The following ANKRD55 variants were observed in gnomAD, a reference collection of about 807,000 sequenced individuals.
ANKRD55 encodes the protein ankyrin repeat domain-containing protein 55.
A neutral mutation model predicts 60.6 loss-of-function variants in ANKRD55; 41 were observed. The observed-to-expected ratio is 0.68, with a 90% CI of 0.53 to 0.88. The LOEUF is 0.88. Ranked by LOEUF, ANKRD55 falls within the 40% of genes least tolerant of loss-of-function variation. The probability of loss-of-function intolerance (pLI) is 0.00; values close to 1 mark genes in which losing one functional copy is unlikely to be tolerated. For missense variants in ANKRD55, 732 were observed against 767.6 expected, an observed-to-expected ratio of 0.95 and a Z score of 0.55; for synonymous variants, 264 against 290.3, an observed-to-expected ratio of 0.91 and a Z score of 0.92.
At chr5:56,164,765 G>A (rs3846520) in intron 5 of ANKRD55, among the ~76,000 whole-genome samples, 26,452 of 152,170 alleles carry the variant, frequency 0.17, 4,317 homozygotes, top group African/African-American at 0.43. Flanking sequence ...GCTGAAAGGG[G>A]GAAAACTTGG....
At chr5:56,152,881 G>A (rs1758091444) in intron 6 of ANKRD55, among the ~76,000 whole-genome samples, 1 of 152,026 alleles carries the variant, frequency 6.6e-6, no homozygotes. Flanking sequence ...TCTTGGGGTA[G>A]AGAAGGCCTT....
At chr5:56,153,149 G>GAT (rs76772211) in intron 6 of ANKRD55, among the ~76,000 whole-genome samples, 40,722 of 151,732 alleles carry the variant, frequency 0.27, 5,578 homozygotes, top group Middle Eastern at 0.3. Context: ...CACAAAAGAA[G>GAT]ATATAATAAA....
chr5:56,226,940 A>G (rs1442588745), intron 2 of ANKRD55, among the ~76,000 whole-genome samples: 1 of 152,218 alleles, frequency 6.6e-6, no homozygotes, highest in African/African-American at 2.4e-5. Flanking sequence ...TGATTTGTCA[A>G]GGATCTAGAA....
rs548463033 is a variant in ANKRD55 at position 56,100,160 on chromosome 5, T to C, written c.*23A>G. 159 of 1,614,134 alleles carry C rather than the reference T, an allele frequency of 9.9e-5. No homozygotes were observed. In the East Asian group the frequency reaches 3.5e-3, roughly 35 times the overall value. ...AGTTGAAAATACATATTCATCTACA[T>C]TTCTGCAGCGAGTGGCCCACAGTTA... On this transcript the variant is annotated 3_prime_UTR_variant, in exon 12 of 12. Transcript: ENST00000341048.
At chr5:56,184,696 G>A (rs752221329) in intron 2 of ANKRD55, among the ~76,000 whole-genome samples, 2 of 151,948 alleles carry the variant, frequency 1.3e-5, no homozygotes, top group Non-Finnish European at 2.9e-5. Context: ...CCAGGAGTTC[G>A]AGATCAGCCT....
intron 2 of ANKRD55, among the ~76,000 whole-genome samples, chr5:56,209,466 CTTT>C (rs60256412): frequency 9.0e-4 from 119 of 132,312 alleles, no homozygotes; most frequent in Middle Eastern, 3.6e-3. Context: ...ACATGTATAT[CTTT>C]TTTTTTTTTT....
At chr5:56,124,992 T>G (rs1463272233) in intron 8 of ANKRD55, among the ~76,000 whole-genome samples, 1 of 152,220 alleles carries the variant, frequency 6.6e-6, no homozygotes, top group East Asian at 1.9e-4. Flanking sequence ...TCTCCTTATC[T>G]TTGTACTTTC....
intron 2 of ANKRD55, among the ~76,000 whole-genome samples, chr5:56,185,396 G>A (rs1476872497): frequency 1.3e-5 from 2 of 152,080 alleles, no homozygotes; most frequent in Admixed American, 1.3e-4. Flanking sequence ...TTCAGGTGTG[G>A]TGGCTCACGC....
chr5:56,212,474 G>T (rs1484167864), intron 2 of ANKRD55, among the ~76,000 whole-genome samples: 1 of 152,114 alleles, frequency 6.6e-6, no homozygotes, highest in Non-Finnish European at 1.5e-5. Flanking sequence ...AAAAAGAAAT[G>T]AAATGTAATA....
chr5:56,109,986 G>T (rs183535128), intron 10 of ANKRD55, among the ~76,000 whole-genome samples: 617 of 152,110 alleles, frequency 4.1e-3, no homozygotes, highest in Non-Finnish European at 7.2e-3. Flanking sequence ...TCACTGTGGA[G>T]GTTGCAGTGA....
chr5:56,157,265 C>T (rs1268403218), intron 6 of ANKRD55, among the ~76,000 whole-genome samples: 2 of 152,206 alleles, frequency 1.3e-5, no homozygotes, highest in African/African-American at 2.4e-5. Flanking sequence ...TCCCTAATCT[C>T]AAGTACCCAG....
intron 2 of ANKRD55, among the ~76,000 whole-genome samples, chr5:56,201,883 T>G (rs1759388935): frequency 6.6e-6 from 1 of 152,190 alleles, no homozygotes; most frequent in Admixed American, 6.5e-5. Context: ...AGCAAAAACA[T>G]GGAATCAACC....
chr5:56,122,714 T>C lies in ANKRD55; in HGVS notation c.797+4208A>G, dbSNP rs559099669. On this transcript the variant is annotated intron_variant, in intron 8 of 11. Coordinates refer to ENST00000341048, the MANE Select transcript of ANKRD55 (RefSeq NM_024669.3). ...GGATTAAGTACTGATGTCACAAAAC[T>C]ATGTTCTGATTTTTTTCTGGGGGTG... 1.3e-4 allele frequency among the ~76,000 whole-genome samples: 19 copies of C among 151,670 alleles called. No homozygotes were observed. In the South Asian group the frequency reaches 4.0e-3, roughly 32 times the overall value.
At chr5:56,107,555 A>C (rs75624059) in intron 10 of ANKRD55, among the ~76,000 whole-genome samples, 177 of 152,270 alleles carry the variant, frequency 1.2e-3, no homozygotes, top group African/African-American at 4.0e-3. Context: ...TTTTGGAGGG[A>C]TAGCAACGTG....
intron 10 of ANKRD55, among the ~76,000 whole-genome samples, chr5:56,105,001 C>T (rs1333647796): frequency 6.6e-6 from 1 of 151,822 alleles, no homozygotes; most frequent in Non-Finnish European, 1.5e-5. Context: ...TCAATTTCTT[C>T]AGTTATAAAG....
At chr5:56,138,321 A>G (rs1408260357) in intron 7 of ANKRD55, among the ~76,000 whole-genome samples, 2 of 151,792 alleles carry the variant, frequency 1.3e-5, no homozygotes, top group African/African-American at 4.8e-5. Flanking sequence ...AGAGACAGGG[A>G]TTCACCATGT....
chr5:56,171,180 T>C (rs1758605294), intron 4 of ANKRD55, among the ~76,000 whole-genome samples: 1 of 152,224 alleles, frequency 6.6e-6, no homozygotes, highest in South Asian at 2.1e-4. Flanking sequence ...GCACCTTGCT[T>C]ATTCAGGTCA....
At chr5:56,207,348 A>G (rs1476571922) in intron 2 of ANKRD55, among the ~76,000 whole-genome samples, 1 of 152,202 alleles carries the variant, frequency 6.6e-6, no homozygotes, top group Admixed American at 6.5e-5. Flanking sequence ...ACATTTAACT[A>G]CCACCAACTG....
At chr5:56,176,494 A>G (rs1237368176) in intron 3 of ANKRD55, among the ~76,000 whole-genome samples, 11 of 152,196 alleles carry the variant, frequency 7.2e-5, no homozygotes. Context: ...ATTTTGCAAT[A>G]ATTGGCTGAG....
Sources: gnomAD v4.1 joint callset for allele counts (sites outside exome capture counted in the v4.1 genomes callset) on GRCh38, gnomAD v4.1.1 for gene constraint, MANE v1.5 for transcripts, NCBI Gene and HGNC (gene_info 2026-07-23, HGNC 2026-07-21) for gene names.